Variants in CNTNAP2 observed in about 807,000 individuals in gnomAD.
The protein encoded by CNTNAP2 is contactin associated protein 2.
CNTNAP2 carries 98 observed loss-of-function variants against 155.2 expected under a neutral mutation model. The observed-to-expected ratio is 0.63, with a 90% CI of 0.54 to 0.75. CNTNAP2 has a LOEUF of 0.75. Among genes scored for constraint, CNTNAP2 ranks in the 30% least tolerant of loss-of-function variants. The probability of loss-of-function intolerance (pLI) is 0.00; values close to 1 mark genes in which losing one functional copy is unlikely to be tolerated. For synonymous variants in CNTNAP2, 651 were observed against 631.2 expected, an observed-to-expected ratio of 1.03 and a Z score of -0.47; for missense variants, 1,727 against 1,688.1, an observed-to-expected ratio of 1.02 and a Z score of -0.40.
chr7:147,490,585 C>T (rs1052899763), intron 11 of CNTNAP2, among the ~76,000 whole-genome samples: 4 of 151,980 alleles, frequency 2.6e-5, no homozygotes, highest in African/African-American at 9.7e-5. Context: ...AGCATAAAGA[C>T]CTAGATTTAT....
At chr7:147,225,794 G>GAAAGAAA (rs1563123727) in intron 8 of CNTNAP2, among the ~76,000 whole-genome samples, 1 of 66,654 alleles carries the variant, frequency 1.5e-5, no homozygotes, top group African/African-American at 6.7e-5. Context: ...AAGGAAGGAA[G>GAAAGAAA]GAAGGAAAGA....
intron 21 of CNTNAP2, 146 bp downstream of exon 21, chr7:148,267,272 C>T (rs1169307489): frequency 2.7e-6 from 2 of 737,876 alleles, no homozygotes; most frequent in Non-Finnish European, 2.4e-6. Context: ...CGTGGTTGTT[C>T]TCGGTGTTGC....
At chr7:148,028,562 C>A (rs1479415564) in intron 15 of CNTNAP2, among the ~76,000 whole-genome samples, 1 of 152,188 alleles carries the variant, frequency 6.6e-6, no homozygotes, top group East Asian at 1.9e-4. Context: ...GGTAACAGAA[C>A]AAGACCCCGT....
At chr7:148,372,308 T>C (rs1333233016) in intron 21 of CNTNAP2, among the ~76,000 whole-genome samples, 1 of 152,132 alleles carries the variant, frequency 6.6e-6, no homozygotes, top group Non-Finnish European at 1.5e-5. Context: ...AGTGAGTGGG[T>C]GGTAAGTGAA....
intron 1 of CNTNAP2, among the ~76,000 whole-genome samples, chr7:146,229,748 T>G (rs2116911190): frequency 6.6e-6 from 1 of 152,188 alleles, no homozygotes; most frequent in African/African-American, 2.4e-5. Flanking sequence ...TAAAAAAATC[T>G]CAATTTAGAA....
At position 147,378,718 on chromosome 7, in the gene CNTNAP2, A is replaced by G. The variant is rs77671914; in HGVS notation, c.1499-16891A>G. 9.0e-3 allele frequency among the ~76,000 whole-genome samples: 1,369 copies of G among 152,252 alleles called. 23 individuals are homozygous for G. The highest frequency in any genetic ancestry group is 0.032 in the African/African-American group (1,313 of 41,560). On this transcript the variant is annotated intron_variant, in intron 9 of 23. Transcript: ENST00000361727. ...TACAACAAGGTAACTAAAGCCAACA[A>G]TATTTTATTTTACATTTAAAAATAA... is the stretch of plus-strand genomic sequence containing the variant.
intron 1 of CNTNAP2, among the ~76,000 whole-genome samples, chr7:146,461,666 G>A (rs1350285202): frequency 6.6e-6 from 1 of 152,098 alleles, no homozygotes; most frequent in South Asian, 2.1e-4. Flanking sequence ...TCAGACGTTG[G>A]TCCCTTACCT....
At chr7:146,727,062 G>T (rs960833308) in intron 1 of CNTNAP2, among the ~76,000 whole-genome samples, 4 of 151,798 alleles carry the variant, frequency 2.6e-5, no homozygotes, top group Non-Finnish European at 5.9e-5. Flanking sequence ...GCTTGAATTT[G>T]GAATTATTTT....
At chr7:146,361,936 C>G (rs1795088355) in intron 1 of CNTNAP2, among the ~76,000 whole-genome samples, 1 of 152,150 alleles carries the variant, frequency 6.6e-6, no homozygotes. Flanking sequence ...GAAGCATAGA[C>G]TATTAGTGGT....
At chr7:146,978,199 A>T (rs554385794) in intron 3 of CNTNAP2, among the ~76,000 whole-genome samples, 2 of 152,288 alleles carry the variant, frequency 1.3e-5, no homozygotes, top group East Asian at 3.9e-4. Context: ...ACTATTTAAA[A>T]ATTCAACTAC....
intron 9 of CNTNAP2, among the ~76,000 whole-genome samples, chr7:147,330,365 G>A (rs826791): frequency 0.8 from 121,341 of 152,064 alleles, 49,121 homozygotes; most frequent in African/African-American, 0.94. Context: ...TCCTGAATGT[G>A]TCCGTTGTGA....
At chr7:147,629,021 T>C (rs1242422484) in intron 12 of CNTNAP2, among the ~76,000 whole-genome samples, 1 of 152,010 alleles carries the variant, frequency 6.6e-6, no homozygotes, top group African/African-American at 2.4e-5. Flanking sequence ...AGATGTGAGA[T>C]AGATGGCAAC....
intron 1 of CNTNAP2, among the ~76,000 whole-genome samples, chr7:146,595,717 A>C (rs1437474066): frequency 6.6e-6 from 1 of 152,016 alleles, no homozygotes; most frequent in Non-Finnish European, 1.5e-5. Flanking sequence ...TACTAAATCT[A>C]GTCTCCCTAA....
At chr7:148,197,868 T>C (rs1795302413) in intron 18 of CNTNAP2, among the ~76,000 whole-genome samples, 1 of 152,220 alleles carries the variant, frequency 6.6e-6, no homozygotes, top group African/African-American at 2.4e-5. Context: ...CTAGGCTTCC[T>C]ATCAGTCATG....
intron 21 of CNTNAP2, among the ~76,000 whole-genome samples, chr7:148,307,409 A>T (rs917703301): frequency 1.3e-5 from 2 of 152,186 alleles, no homozygotes; most frequent in Non-Finnish European, 2.9e-5. Flanking sequence ...TGCAGTGCCA[A>T]CCGGGCTACT....
At chr7:147,637,985 A>C (rs1055390313) in intron 12 of CNTNAP2, among the ~76,000 whole-genome samples, 2 of 152,224 alleles carry the variant, frequency 1.3e-5, no homozygotes, top group African/African-American at 4.8e-5. Context: ...AGAAAGGCCA[A>C]AGGCTTGATT....
At chr7:147,082,950 A>G (rs1800167250) in intron 4 of CNTNAP2, 1 of 152,116 alleles carries the variant, frequency 6.6e-6, no homozygotes, top group Admixed American at 6.6e-5. Context: ...CAATTTCCAG[A>G]GGCAGGGTGA....
intron 12 of CNTNAP2, among the ~76,000 whole-genome samples, chr7:147,624,415 A>T (rs1287154679): frequency 6.6e-6 from 1 of 152,172 alleles, no homozygotes; most frequent in Non-Finnish European, 1.5e-5. Flanking sequence ...CTCTATAGGA[A>T]AATTTTAATA....
intron 4 of CNTNAP2, among the ~76,000 whole-genome samples, chr7:147,087,699 G>A (rs570871914): frequency 2.0e-4 from 30 of 152,202 alleles, no homozygotes; most frequent in Admixed American, 2.6e-4. Flanking sequence ...AATCAAGGCC[G>A]GGCATGGTGG....
Sources: gnomAD v4.1 joint callset for allele counts (sites outside exome capture counted in the v4.1 genomes callset) on GRCh38, gnomAD v4.1.1 for gene constraint, MANE v1.5 for transcripts, NCBI Gene and HGNC (gene_info 2026-07-23, HGNC 2026-07-21) for gene names.